PCSK5: variants seen among roughly 807,000 people sequenced by gnomAD.
The protein encoded by PCSK5 is proprotein convertase subtilisin/kexin type 5.
Under a neutral mutation model 233.2 loss-of-function variants are expected in PCSK5, and 129 were observed. That is an observed-to-expected ratio of 0.55 (90% CI 0.48 to 0.64). PCSK5 has a LOEUF of 0.64. PCSK5 is among the 30% of genes least tolerant of loss of function. The pLI, the probability that PCSK5 is intolerant of heterozygous loss-of-function variation, is 0.00. For synonymous variants in PCSK5, 825 were observed against 879.2 expected (o/e 0.94, Z 1.09); for missense variants, 2,076 against 2,430.1 (o/e 0.85, Z 3.06).
At chr9:76,152,037 A>G (rs539929616) in intron 10 of PCSK5, among the ~76,000 whole-genome samples, 12 of 152,316 alleles carry the variant, frequency 7.9e-5, no homozygotes, top group African/African-American at 2.6e-4. Flanking sequence ...ATTGAATCTA[A>G]TTTATCGGCC....
intron 7 of PCSK5, among the ~76,000 whole-genome samples, chr9:76,074,802 A>T (rs749217696): frequency 6.6e-6 from 1 of 152,224 alleles, no homozygotes; most frequent in African/African-American, 2.4e-5. Context: ...CAGAGAAAAG[A>T]TCATGTCCTC....
chr9:76,298,641 T>C (rs1447313416), intron 27 of PCSK5, among the ~76,000 whole-genome samples: 4 of 79,670 alleles, frequency 5.0e-5, no homozygotes, highest in African/African-American at 1.5e-4. Context: ...TCTCCTGACT[T>C]CTTTTGCTTA....
intron 3 of PCSK5, among the ~76,000 whole-genome samples, chr9:76,013,775 G>A (rs1052765354): frequency 6.6e-6 from 1 of 152,164 alleles, no homozygotes; most frequent in South Asian, 2.1e-4. Flanking sequence ...AAAAATAGCT[G>A]CCATTGTATT....
intron 20 of PCSK5, chr9:76,193,421 C>T: frequency 1.2e-6 from 1 of 843,806 alleles, no homozygotes; most frequent in Non-Finnish European, 1.6e-6. Context: ...AAGAAAAAAG[C>T]CAAAAAGAAA....
At chr9:76,214,876 G>T (rs372556196) in intron 20 of PCSK5, among the ~76,000 whole-genome samples, 32 of 152,244 alleles carry the variant, frequency 2.1e-4, no homozygotes, top group East Asian at 1.7e-3. Context: ...TTCTAGAAAA[G>T]CTTCCCTTAT....
chr9:76,202,905 T>C (rs1824971663), intron 20 of PCSK5, among the ~76,000 whole-genome samples: 2 of 152,218 alleles, frequency 1.3e-5, no homozygotes, highest in South Asian at 4.1e-4. Context: ...GTCGTGAACC[T>C]GGTAAAATAT....
chr9:76,083,762 A>G (rs1830949487), intron 7 of PCSK5, among the ~76,000 whole-genome samples: 1 of 152,262 alleles, frequency 6.6e-6, no homozygotes, highest in African/African-American at 2.4e-5. Context: ...ACACAAGTGA[A>G]CATACACATA....
intron 27 of PCSK5, among the ~76,000 whole-genome samples, chr9:76,297,849 C>T (rs1828490043): frequency 6.6e-6 from 1 of 152,184 alleles, no homozygotes; most frequent in South Asian, 2.1e-4. Flanking sequence ...AGAGGAGGCA[C>T]GTCCATGGCT....
At chr9:76,261,235 G>C (rs556054038) in intron 24 of PCSK5, among the ~76,000 whole-genome samples, 1 of 152,284 alleles carries the variant, frequency 6.6e-6, no homozygotes, top group South Asian at 2.1e-4. Flanking sequence ...TGCTAAACTT[G>C]AGTTTACACA....
At chr9:76,167,875 G>C (rs952329467) in intron 12 of PCSK5, among the ~76,000 whole-genome samples, 48 of 152,098 alleles carry the variant, frequency 3.2e-4, no homozygotes, top group African/African-American at 1.2e-3. Flanking sequence ...CCCCATTGAA[G>C]GAGAGAAATA....
chr9:75,893,968 A>G (rs1184508078), intron 1 of PCSK5, among the ~76,000 whole-genome samples: 1 of 152,182 alleles, frequency 6.6e-6, no homozygotes, highest in Non-Finnish European at 1.5e-5. Flanking sequence ...TGTATTTCTT[A>G]TTCATCCTTT....
In PCSK5 at chr9:76,188,563, T is replaced by C; in HGVS notation, c.2283-15T>C. The C allele has an allele frequency of 1.3e-6, 2 of 1,588,094 alleles. No individual in the cohort carries two copies. The highest frequency in any genetic ancestry group is 1.7e-6 in the Non-Finnish European group (2 of 1,156,212). ...CACAACAGTCTGTTTGAAGCTCCCT[T>C]TATACTTCTTCCAGCCTGCAGGGAT... On this transcript the variant is annotated splice_polypyrimidine_tract_variant and intron_variant, in intron 17 of 37. Coordinates refer to ENST00000674117, the MANE Select transcript of PCSK5 (RefSeq NM_001372043.1).
At chr9:76,007,856 C>T (rs1483695021) in intron 3 of PCSK5, among the ~76,000 whole-genome samples, 1 of 136,732 alleles carries the variant, frequency 7.3e-6, no homozygotes, top group African/African-American at 2.7e-5. Context: ...TTTGTAGCCA[C>T]AAAAAAATAC....
At chr9:76,005,655 T>C (rs1236566359) in intron 3 of PCSK5, among the ~76,000 whole-genome samples, 1 of 152,156 alleles carries the variant, frequency 6.6e-6, no homozygotes, top group Non-Finnish European at 1.5e-5. Flanking sequence ...GTACACATAC[T>C]TTGTGGTTGT....
intron 2 of PCSK5, among the ~76,000 whole-genome samples, chr9:75,965,067 A>G (rs1254327638): frequency 6.6e-6 from 1 of 152,158 alleles, no homozygotes; most frequent in African/African-American, 2.4e-5. Flanking sequence ...TTGCTTGTCA[A>G]ATGAAGGGTT....
At chr9:75,993,035 A>T (rs936740296) in intron 3 of PCSK5, among the ~76,000 whole-genome samples, 23 of 152,246 alleles carry the variant, frequency 1.5e-4, no homozygotes, top group African/African-American at 4.6e-4. Flanking sequence ...TTGAGACATC[A>T]CTGTCTCTGC....
intron 2 of PCSK5, among the ~76,000 whole-genome samples, chr9:75,954,360 A>G (rs962330182): frequency 3.3e-5 from 5 of 152,182 alleles, no homozygotes; most frequent in Non-Finnish European, 7.3e-5. Flanking sequence ...TTACAAGCAC[A>G]CAAGTTGGTT....
chr9:75,997,130 G>C (rs190904784), intron 3 of PCSK5, among the ~76,000 whole-genome samples: 110 of 152,274 alleles, frequency 7.2e-4, no homozygotes, highest in African/African-American at 2.6e-3. Flanking sequence ...AAAGTGAGGG[G>C]AGAGCCGGTC....
intron 20 of PCSK5, among the ~76,000 whole-genome samples, chr9:76,218,729 A>C (rs1469086357): frequency 6.6e-6 from 1 of 152,150 alleles, no homozygotes; most frequent in Non-Finnish European, 1.5e-5. Context: ...TGATTTGATT[A>C]ATTTCACACA....
Sources: allele counts gnomAD v4.1 joint callset (sites outside exome capture counted in the v4.1 genomes callset), GRCh38; gene constraint gnomAD v4.1.1; transcripts MANE v1.5; gene names NCBI Gene and HGNC (gene_info 2026-07-23, HGNC 2026-07-21).